The following STIM2 variants were observed in gnomAD, a reference collection of about 807,000 sequenced individuals.
The protein encoded by STIM2 is stromal interaction molecule 2.
Under a neutral mutation model 85.8 loss-of-function variants are expected in STIM2, and 31 were observed. The observed-to-expected ratio is 0.36, with a 90% CI of 0.27 to 0.49. The LOEUF (loss-of-function observed/expected upper bound fraction) is 0.49. Among genes scored for constraint, STIM2 ranks in the 20% least tolerant of loss-of-function variants. The probability of loss-of-function intolerance (pLI) is 0.98; values close to 1 mark genes in which losing one functional copy is unlikely to be tolerated. For synonymous variants in STIM2, 356 were observed against 331.1 expected, an observed-to-expected ratio of 1.08 and a Z score of -0.82; for missense variants, 841 against 927.6, an observed-to-expected ratio of 0.91 and a Z score of 1.21.
intron 2 of STIM2, among the ~76,000 whole-genome samples, chr4:26,936,429 TTTCTCTTA>T (rs1725393871): frequency 1.3e-5 from 2 of 152,212 alleles, no homozygotes; most frequent in African/African-American, 4.8e-5. Context: ...AGAAAACAGC[TTTCTCTTA>T]TTCTACTGTT....
intron 2 of STIM2, among the ~76,000 whole-genome samples, chr4:26,932,578 T>C (rs1480216995): frequency 1.3e-5 from 2 of 152,236 alleles, no homozygotes; most frequent in African/African-American, 2.4e-5. Flanking sequence ...CATGGTAGTA[T>C]ATCTTGGCTA....
rs1296664021 is a variant in STIM2 at position 26,918,703 on chromosome 4, G to T, written c.152-801G>T. Among the ~76,000 whole-genome samples the T allele has an allele frequency of 2.0e-5, 3 of 152,094 alleles. No homozygotes were observed. In the East Asian group the frequency reaches 5.8e-4, roughly 29 times the overall value. On this transcript the variant is annotated intron_variant, in intron 1 of 11. Coordinates refer to ENST00000467087, the MANE Select transcript of STIM2 (RefSeq NM_020860.4). ...AGTACTTTCCCATTTTGGTATATAG[G>T]TTGTTAGCTAGTTATGTGCACAGGA... is the stretch of plus-strand genomic sequence containing the variant.
Position 26,885,869 on chromosome 4 carries a change from ATATATG to A in STIM2, c.151+24508_151+24513del, listed in dbSNP as rs1560194722. Among the ~76,000 whole-genome samples the A allele has an allele frequency of 7.4e-4, 78 of 105,216 alleles. 1 individual carries two copies. The highest frequency in any genetic ancestry group is 2.4e-3 in the African/African-American group (69 of 28,584). 69.0% of individuals were successfully genotyped at this position (105,216 alleles called of 152,430 possible). A position where few individuals can be genotyped will look rare whatever the true frequency, so the allele number is the denominator to read the frequency against. ...TATATATATATATATATATATATAT[ATATATG>A]TATATGTCTATTCATGTAAATATGC... is the stretch of plus-strand genomic sequence containing the variant. On this transcript the variant is annotated intron_variant, in intron 1 of 11. Coordinates refer to ENST00000467087, the MANE Select transcript of STIM2 (RefSeq NM_020860.4).
intron 3 of STIM2, among the ~76,000 whole-genome samples, chr4:26,975,734 C>G (rs1727161080): frequency 6.6e-6 from 1 of 152,218 alleles, no homozygotes; most frequent in African/African-American, 2.4e-5. Flanking sequence ...GGCAGTCTGT[C>G]CATTCTCAGA....
chr4:26,888,649 G>C (rs749406606), intron 1 of STIM2, among the ~76,000 whole-genome samples: 10 of 152,024 alleles, frequency 6.6e-5, no homozygotes, highest in Admixed American at 1.3e-4. Context: ...TTTGCCTGTT[G>C]GGGTGATCCA....
At chr4:26,954,666 T>C (rs1042135839) in intron 2 of STIM2, among the ~76,000 whole-genome samples, 2 of 148,212 alleles carry the variant, frequency 1.3e-5, no homozygotes, top group Non-Finnish European at 3.0e-5. Context: ...GTCTGAACAA[T>C]CAGAATTATA....
chr4:26,873,521 C>T, intron 1 of STIM2: 1 of 364,724 alleles, frequency 2.7e-6, no homozygotes, highest in South Asian at 2.5e-5. Flanking sequence ...TCCTTGTTAG[C>T]AGTAGCCCAG....
chr4:26,936,121 G>C (rs541526788), intron 2 of STIM2, among the ~76,000 whole-genome samples: 13 of 152,270 alleles, frequency 8.5e-5, no homozygotes, highest in Non-Finnish European at 1.8e-4. Flanking sequence ...AAGAATCATT[G>C]TGCAAGTTAT....
intron 2 of STIM2, among the ~76,000 whole-genome samples, chr4:26,942,308 T>C (rs905250711): frequency 4.6e-5 from 7 of 152,152 alleles, no homozygotes; most frequent in African/African-American, 1.4e-4. Context: ...TTGCAATTTT[T>C]CTCTCCTCAG....
At chr4:26,915,891 A>G (rs568284715) in intron 1 of STIM2, among the ~76,000 whole-genome samples, 15 of 152,330 alleles carry the variant, frequency 9.8e-5, no homozygotes, top group South Asian at 2.1e-4. Context: ...GGCACTGCAT[A>G]TCGTGTTTAA....
chr4:26,972,246 T>G (rs1322528210), intron 3 of STIM2, among the ~76,000 whole-genome samples: 3 of 152,190 alleles, frequency 2.0e-5, no homozygotes, highest in Admixed American at 2.0e-4. Context: ...TTCTCTTGCC[T>G]GATTACCCTG....
chr4:26,972,583 A>T (rs551466490), intron 3 of STIM2, among the ~76,000 whole-genome samples: 60 of 152,282 alleles, frequency 3.9e-4, no homozygotes, highest in African/African-American at 1.4e-3. Flanking sequence ...CATCTGAGGG[A>T]TGAAGCTGAC....
chr4:26,888,250 A>G (rs1332269790), intron 1 of STIM2, among the ~76,000 whole-genome samples: 1 of 152,204 alleles, frequency 6.6e-6, no homozygotes, highest in Non-Finnish European at 1.5e-5. Context: ...TTAATCTCCA[A>G]ATGAACGCAA....
chr4:26,980,476 A>AG (rs1727342217), intron 3 of STIM2, among the ~76,000 whole-genome samples: 1 of 151,946 alleles, frequency 6.6e-6, no homozygotes, highest in Non-Finnish European at 1.5e-5. Flanking sequence ...AAAAAAAAAA[A>AG]GGAAAAAGTT....
chr4:26,994,231 A>T (rs1366303894), intron 3 of STIM2, among the ~76,000 whole-genome samples: 2 of 152,114 alleles, frequency 1.3e-5, no homozygotes, highest in Non-Finnish European at 2.9e-5. Context: ...TACTTCAAAC[A>T]TAACGTGTCT....
chr4:26,884,714 A>G (rs1048443913), intron 1 of STIM2, among the ~76,000 whole-genome samples: 2 of 152,258 alleles, frequency 1.3e-5, no homozygotes, highest in African/African-American at 2.4e-5. Context: ...AGTATCCCAC[A>G]TGAGTGAACA....
chr4:26,929,015 A>G (rs973139012), intron 2 of STIM2, among the ~76,000 whole-genome samples: 15 of 152,208 alleles, frequency 9.9e-5, no homozygotes, highest in African/African-American at 3.1e-4. Context: ...GCCACTAGCC[A>G]TATTTGGCTA....
At chr4:26,972,057 A>G (rs1019691809) in intron 3 of STIM2, among the ~76,000 whole-genome samples, 1 of 152,164 alleles carries the variant, frequency 6.6e-6, no homozygotes, top group African/African-American at 2.4e-5. Flanking sequence ...TTACTGGTGT[A>G]TAAGAATGCT....
chr4:26,907,877 A>T (rs1010005382), intron 1 of STIM2, among the ~76,000 whole-genome samples: 1 of 152,190 alleles, frequency 6.6e-6, no homozygotes, highest in African/African-American at 2.4e-5. Flanking sequence ...TTCCCTTGCT[A>T]TGTGGCTGGC....
Sources: allele counts gnomAD v4.1 joint callset (sites outside exome capture counted in the v4.1 genomes callset), GRCh38; gene constraint gnomAD v4.1.1; transcripts MANE v1.5; gene names NCBI Gene and HGNC (gene_info 2026-07-23, HGNC 2026-07-21).